CDC42BPB: variants seen among roughly 807,000 people sequenced by gnomAD.
CDC42BPB encodes CDC42 binding protein kinase beta, also known as serine/threonine-protein kinase MRCK beta.
A neutral mutation model predicts 214.9 loss-of-function variants in CDC42BPB; 37 were observed. The ratio of observed to expected loss-of-function variants is 0.17; its 90% CI spans 0.13 to 0.23. The LOEUF is 0.23. CDC42BPB is among the 10% of genes least tolerant of loss of function. The pLI, the probability that CDC42BPB is intolerant of heterozygous loss-of-function variation, is 1.00. For missense variants in CDC42BPB, 1,694 were observed against 2,227.0 expected (o/e 0.76, Z 4.82); for synonymous variants, 931 against 884.0 (o/e 1.05, Z -0.94).
In CDC42BPB at chr14:103,004,947, C is replaced by G. The variant is rs1895166753; in HGVS notation, c.352-924G>C. 6.6e-6 allele frequency among the ~76,000 whole-genome samples: 1 copy of G among 151,862 alleles called. No individual in the cohort carries two copies. Among genetic ancestry groups the G allele is most frequent in the East Asian group, 1.9e-4 (1 of 5,172 alleles). On this transcript the variant is annotated intron_variant, in intron 3 of 36. Transcript: ENST00000361246. The surrounding 1 kb of genome is among the most constrained non-coding windows in gnomAD (Gnocchi z 5.3). ...GTTTGGGAGGCCGAGGTGGGTGGAT[C>G]ACGAGGTCAGGAGATCAAGACCATC...
At chr14:102,988,213 AGT>A (rs2139548439) in intron 5 of CDC42BPB, among the ~76,000 whole-genome samples, 1 of 152,302 alleles carries the variant, frequency 6.6e-6, no homozygotes, top group South Asian at 2.1e-4. Flanking sequence ...AAGGAAACGC[AGT>A]CAGATAGGAA....
At chr14:103,051,606 A>G (rs981060929) in intron 1 of CDC42BPB, among the ~76,000 whole-genome samples, 1 of 152,224 alleles carries the variant, frequency 6.6e-6, no homozygotes, top group African/African-American at 2.4e-5. Flanking sequence ...GGCAGGGCGG[A>G]GGCAAGCAGA....
At chr14:102,938,076 C>G in intron 36 of CDC42BPB, 28 bp downstream of exon 36, 1 of 1,611,946 alleles carries the variant, frequency 6.2e-7, no homozygotes. Flanking sequence ...GGCTCATAGC[C>G]TCAGCACTGG....
intron 28 of CDC42BPB, among the ~76,000 whole-genome samples, chr14:102,945,931 T>C (rs2403107): frequency 0.37 from 56,521 of 152,102 alleles, 10,897 homozygotes; most frequent in African/African-American, 0.42. Flanking sequence ...GGATTGAGTC[T>C]GCAAGGATTT....
chr14:103,006,367 C>T (rs931983585), intron 3 of CDC42BPB, among the ~76,000 whole-genome samples: 11 of 152,252 alleles, frequency 7.2e-5, no homozygotes, highest in African/African-American at 2.7e-4. Context: ...CCAGGAGACG[C>T]TCCCTGAAGC....
At chr14:102,942,729 G>T (rs1268107739) in intron 30 of CDC42BPB, among the ~76,000 whole-genome samples, 6 of 152,040 alleles carry the variant, frequency 3.9e-5, no homozygotes. Context: ...GTTTGAGACG[G>T]AGTCCTGCTC....
Position 102,968,852 on chromosome 14 carries a change from G to A in CDC42BPB, c.1996-136C>T, listed in dbSNP as rs568740315. Reference sequence around the variant, plus strand: ...GTGTGCCTGGTCTACACCAGATGACGTAGCTGACCTGGCTAACGTGATCCA... The same window carrying A: ...GTGTGCCTGGTCTACACCAGATGACATAGCTGACCTGGCTAACGTGATCCA... On this transcript the variant is annotated intron_variant, in intron 14 of 36. Coordinates refer to ENST00000361246, the MANE Select transcript of CDC42BPB (RefSeq NM_006035.4). 58 of 1,489,244 alleles carry A rather than the reference G, an allele frequency of 3.9e-5. No homozygotes were observed. The South Asian group carries it at 5.8e-4, about 15-fold the overall frequency. The allele number at this position is 1,489,244 out of a possible 1,614,324, so 92.3% of individuals were successfully genotyped here. A position where few individuals can be genotyped will look rare whatever the true frequency, so the allele number is the denominator to read the frequency against.
chr14:102,983,833 A>T, intron 6 of CDC42BPB, 77 bp from the exon 7 acceptor site: 1 of 1,514,234 alleles, frequency 6.6e-7, no homozygotes, highest in Admixed American at 2.2e-5. Flanking sequence ...TCTCTAAAAT[A>T]TAGCGGAGGC....
intron 1 of CDC42BPB, among the ~76,000 whole-genome samples, chr14:103,030,846 G>C (rs1887329105): frequency 6.6e-6 from 1 of 152,130 alleles, no homozygotes; most frequent in Admixed American, 6.6e-5. Flanking sequence ...AATTAGGTCA[G>C]TGTGGTGGCA....
At chr14:102,974,210 T>C (rs1893627051) in intron 11 of CDC42BPB, 61 bp from the exon 12 acceptor site, 1 of 1,581,640 alleles carries the variant, frequency 6.3e-7, no homozygotes, top group Admixed American at 2.0e-5. Context: ...GTAAACTTTA[T>C]GTTAGCTGAC....
chr14:102,961,334 CTTTT>C (rs933569051), intron 20 of CDC42BPB, among the ~76,000 whole-genome samples: 1 of 145,966 alleles, frequency 6.9e-6, no homozygotes, highest in Non-Finnish European at 1.5e-5. Flanking sequence ...TGAAAACCAC[CTTTT>C]TTTTTTTTTC....
intron 19 of CDC42BPB, among the ~76,000 whole-genome samples, chr14:102,963,741 G>T (rs1057230800): frequency 2.0e-5 from 3 of 152,200 alleles, no homozygotes; most frequent in African/African-American, 7.2e-5. Flanking sequence ...GTTGGGCTGT[G>T]GGAGGGTCAC....
At position 102,944,480 on chromosome 14, in the gene CDC42BPB, G is replaced by T; in HGVS notation, c.3819C>A (p.Val1273=). The T allele has an allele frequency of 1.9e-6, 3 of 1,610,008 alleles. No individual in the cohort carries two copies. The highest frequency in any genetic ancestry group is 2.5e-6 in the Non-Finnish European group (3 of 1,177,762). The part of the protein sequence containing the change: ...YVIEVTRDVI[V]RAADCKKVHQ... The stretch of plus-strand genomic sequence containing the variant: ...GTACCTTCTTACAGTCAGCGGCACG[G>T]ACGATCACTGTGGCAAGGAGGACAA... Residue 1273 remains valine, a synonymous_variant, in exon 30 of 37, where the codon GTC becomes GTA. Coordinates refer to ENST00000361246, the MANE Select transcript of CDC42BPB (RefSeq NM_006035.4). The surrounding 1 kb of genome is among the most constrained non-coding windows in gnomAD (Gnocchi z 6.6).
chr14:103,032,535 C>CA (rs570009408), intron 1 of CDC42BPB, among the ~76,000 whole-genome samples: 3,438 of 44,470 alleles, frequency 0.077, 112 homozygotes, highest in East Asian at 0.2. Flanking sequence ...AAATAAACTG[C>CA]AAAAAAAAAA....
intron 1 of CDC42BPB, among the ~76,000 whole-genome samples, chr14:103,043,683 A>T (rs1282132353): frequency 6.6e-6 from 1 of 152,184 alleles, no homozygotes; most frequent in Non-Finnish European, 1.5e-5. Context: ...TGTTACAAAA[A>T]AAAAAAGGAA....
chr14:103,052,605 G>T (rs928822294), intron 1 of CDC42BPB, among the ~76,000 whole-genome samples: 1 of 152,176 alleles, frequency 6.6e-6, no homozygotes, highest in Non-Finnish European at 1.5e-5. Context: ...CACACTCATG[G>T]TGAGAAAAGC....
chr14:103,007,104 A>G (rs1885872026), intron 3 of CDC42BPB, among the ~76,000 whole-genome samples: 1 of 152,202 alleles, frequency 6.6e-6, no homozygotes, highest in Admixed American at 6.5e-5. Flanking sequence ...CCAAAGAAGG[A>G]AGGGAGACCG....
chr14:102,997,043 G>A (rs534548969), intron 5 of CDC42BPB, among the ~76,000 whole-genome samples: 2 of 152,114 alleles, frequency 1.3e-5, no homozygotes, highest in Non-Finnish European at 1.5e-5. Context: ...CTCTAGCAAC[G>A]AAGCAGCACT....
At chr14:102,968,887 G>A (rs947029482) in intron 14 of CDC42BPB, 171 bp from the exon 15 acceptor site, 1 of 985,334 alleles carries the variant, frequency 1.0e-6, no homozygotes, top group African/African-American at 1.7e-5. Context: ...AGGTTCTAGG[G>A]GGTCACAGCA....
Sources: allele counts gnomAD v4.1 joint callset (sites outside exome capture counted in the v4.1 genomes callset), GRCh38; gene constraint gnomAD v4.1.1; non-coding constraint Gnocchi (gnomAD v3.1); transcripts MANE v1.5; gene names NCBI Gene and HGNC (gene_info 2026-07-23, HGNC 2026-07-21).